The following PTRH2 variants were observed in gnomAD, a reference collection of about 807,000 sequenced individuals.
The protein encoded by PTRH2 is peptidyl-tRNA hydrolase 2.
Under a neutral mutation model 12.3 loss-of-function variants are expected in PTRH2, and 10 were observed. The ratio of observed to expected loss-of-function variants is 0.81; its 90% CI spans 0.50 to 1.38. PTRH2 has a LOEUF of 1.38. Ranked by LOEUF, PTRH2 falls within the 40% of genes most tolerant of loss-of-function variation. The pLI, the probability that PTRH2 is intolerant of heterozygous loss-of-function variation, is 0.00. For synonymous variants in PTRH2, 73 were observed against 77.4 expected (o/e 0.94, Z 0.30); for missense variants, 176 against 214.1 (o/e 0.82, Z 1.11).
At position 59,697,768 on chromosome 17, in the gene PTRH2, C is replaced by T; in HGVS notation, c.211G>A (p.Val71Ile). Residue 71 changes from valine to isoleucine, a missense_variant, in exon 2 of 2, where the codon GTT (valine) becomes ATT (isoleucine). By Grantham distance (29) the Val-to-Ile change is conservative. Coordinates refer to ENST00000393038, the MANE Select transcript of PTRH2 (RefSeq NM_016077.5). ...TTTCCCATCTTTAAGTCATTTCGAA[C>T]CACAAGAATCATCTTGTACTCCCCG... is the stretch of plus-strand genomic sequence containing the variant. Reference protein sequence around the residue: ...DSGEYKMILVVRNDLKMGKGK... With the variant: ...DSGEYKMILVIRNDLKMGKGK... 6.2e-7 allele frequency: 1 copy of T among 1,614,202 alleles called. No homozygotes were observed. Among genetic ancestry groups the T allele is most frequent in the Non-Finnish European group, 8.5e-7 (1 of 1,180,036 alleles).
intron 1 of PTRH2, among the ~76,000 whole-genome samples, chr17:59,706,744 G>A (rs1039974896): frequency 2.6e-5 from 4 of 151,178 alleles, no homozygotes; most frequent in Admixed American, 1.3e-4. Context: ...AGCGATATCG[G>A]CTCACTGCAA....
chr17:59,697,966 A>G lies in PTRH2; in HGVS notation c.13T>C (p.Ser5Pro). Residue 5 changes from serine (S) to proline (P), a missense_variant, in exon 2 of 2, where the codon TCC becomes CCC. Coordinates refer to ENST00000393038, the MANE Select transcript of PTRH2 (RefSeq NM_016077.5). MPSK[S>P]LVMEYLAHPS... ...TGAGCCAAATATTCCATAACCAAGG[A>G]TTTGGAGGGCATCTTAAAGGAAAGG... 3.1e-6 allele frequency: 5 copies of G among 1,611,936 alleles called. No individual in the cohort carries two copies. Among genetic ancestry groups the G allele is most frequent in the Non-Finnish European group, 4.2e-6 (5 of 1,179,292 alleles).
At chr17:59,705,043 C>T (rs1446546885) in intron 1 of PTRH2, among the ~76,000 whole-genome samples, 1 of 152,220 alleles carries the variant, frequency 6.6e-6, no homozygotes, top group African/African-American at 2.4e-5. Context: ...CTGCCTCAGC[C>T]TCCCAAAGTG....
At chr17:59,699,004 T>G (rs2033505713) in intron 1 of PTRH2, 2 of 658,356 alleles carry the variant, frequency 3.0e-6, no homozygotes, top group Non-Finnish European at 2.8e-6. Context: ...CGAGAATAGG[T>G]GGTAGAAGGC....
chr17:59,698,320 A>C, intron 1 of PTRH2: 1 of 296,542 alleles, frequency 3.4e-6, no homozygotes, highest in Non-Finnish European at 6.3e-6. Flanking sequence ...ACCAAAAATA[A>C]CCCTTTCCTG....
At chr17:59,706,632 T>C (rs917334427) in intron 1 of PTRH2, among the ~76,000 whole-genome samples, 1 of 151,782 alleles carries the variant, frequency 6.6e-6, no homozygotes, top group Non-Finnish European at 1.5e-5. Context: ...AATACCTCTC[T>C]AGTTAATCTC....
intron 1 of PTRH2, among the ~76,000 whole-genome samples, chr17:59,702,376 G>C (rs2033569361): frequency 6.6e-6 from 1 of 152,184 alleles, no homozygotes; most frequent in Non-Finnish European, 1.5e-5. Flanking sequence ...CCTCGCATGG[G>C]CAGTTCATAA....
intron 1 of PTRH2, chr17:59,698,980 C>A: frequency 1.5e-6 from 1 of 688,616 alleles, no homozygotes. Flanking sequence ...ATTTCTCTCT[C>A]TTCTGATGAA....
intron 1 of PTRH2, among the ~76,000 whole-genome samples, chr17:59,705,425 AT>A (rs1288381212): frequency 2.0e-5 from 3 of 150,706 alleles, no homozygotes; most frequent in East Asian, 2.0e-4. Flanking sequence ...CTTTTTCTTT[AT>A]TTTTTTTTAA....
chr17:59,698,102 T>C lies in PTRH2; in HGVS notation c.1-124A>G, dbSNP rs16943799. The stretch of plus-strand genomic sequence containing the variant: ...TCCAGAAAAAAGGCAAAACACACCT[T>C]TGATCTTATGCCTGCACCCTGTTTC... On this transcript the variant is annotated intron_variant, in intron 1 of 1. Coordinates refer to ENST00000393038, the MANE Select transcript of PTRH2 (RefSeq NM_016077.5). The C allele has an allele frequency of 3.4e-3, 3,290 of 961,338 alleles. 85 individuals are homozygous for C. In the African/African-American group the frequency reaches 0.05, roughly 15 times the overall value. 59.6% of individuals were successfully genotyped at this position (961,338 alleles called of 1,614,324 possible). A position where few individuals can be genotyped will look rare whatever the true frequency, so the allele number is the denominator to read the frequency against.
chr17:59,698,028 G>A, intron 1 of PTRH2, 50 bp from the exon 2 acceptor site: 1 of 1,554,892 alleles, frequency 6.4e-7, no homozygotes. Flanking sequence ...ACAACTTACA[G>A]AGGTATAGGC....
intron 1 of PTRH2, 55 bp from the exon 2 acceptor site, chr17:59,698,033 A>G: frequency 6.5e-7 from 1 of 1,529,700 alleles, no homozygotes; most frequent in Non-Finnish European, 8.9e-7. Context: ...TTACAGAGGT[A>G]TAGGCTTATC....
chr17:59,707,069 A>C (rs540832231), intron 1 of PTRH2: 1 of 152,288 alleles, frequency 6.6e-6, no homozygotes, highest in South Asian at 2.1e-4. Flanking sequence ...AGCTGAGGGT[A>C]TGAGGCCTGC....
chr17:59,703,184 TAAA>T (rs149532844), intron 1 of PTRH2, among the ~76,000 whole-genome samples: 1 of 150,996 alleles, frequency 6.6e-6, no homozygotes, highest in African/African-American at 2.4e-5. Flanking sequence ...ACTGCTAATT[TAAA>T]AAAAAACTTT....
rs1567984225 is a variant in PTRH2 at position 59,697,828 on chromosome 17, CTG to C, written c.149_150del (p.Thr50ArgfsTer3). ...AAGATGCTTGCTTCACTTTCAGTATCTGTGTGTGTCTTGCTCGTCTTGCTTTT... is the reference window on the plus strand; with the variant it reads ...AAGATGCTTGCTTCACTTTCAGTATCTGTGTGTCTTGCTCGTCTTGCTTTT... ...LPKSKTSKTHTDTESEASILG... is the reference protein window; with the variant it reads ...LPKSKTSKTHXDTESEASILG... On this transcript the variant is annotated frameshift_variant, in exon 2 of 2. Transcript: ENST00000393038. LOFTEE classifies it high-confidence loss of function. The C allele has an allele frequency of 1.2e-6, 2 of 1,614,202 alleles. No individual in the cohort carries two copies. The highest frequency in any genetic ancestry group is 1.7e-6 in the Non-Finnish European group (2 of 1,180,030).
At chr17:59,705,024 G>T (rs1380755046) in intron 1 of PTRH2, among the ~76,000 whole-genome samples, 1 of 152,194 alleles carries the variant, frequency 6.6e-6, no homozygotes, top group Non-Finnish European at 1.5e-5. Context: ...CTGACCTCAA[G>T]TGATCTGCCT....
At chr17:59,698,034 T>G in intron 1 of PTRH2, 56 bp from the exon 2 acceptor site, 1 of 1,520,600 alleles carries the variant, frequency 6.6e-7, no homozygotes, top group Non-Finnish European at 8.9e-7. Flanking sequence ...TACAGAGGTA[T>G]AGGCTTATCA....
Position 59,698,886 on chromosome 17 carries a change from C to T in PTRH2, c.1-908G>A, listed in dbSNP as rs993035171. 12 of 716,440 alleles carry T rather than the reference C, an allele frequency of 1.7e-5. No homozygotes were observed. In the African/African-American group the frequency reaches 2.1e-4, roughly 13 times the overall value. 44.4% of individuals were successfully genotyped at this position (716,440 alleles called of 1,614,324 possible). ...GGGTACTCACCATTAATTTACACAG[C>T]TGAAAGCACAGTGGTCCTGAAAAAT... On this transcript the variant is annotated intron_variant, in intron 1 of 1. Transcript: ENST00000393038.
chr17:59,701,254 T>C (rs1463599810), intron 1 of PTRH2: 1 of 152,228 alleles, frequency 6.6e-6, no homozygotes, highest in Non-Finnish European at 1.5e-5. Context: ...ATGCAACCTG[T>C]GTTATTACAT....
Sources: allele counts gnomAD v4.1 joint callset (sites outside exome capture counted in the v4.1 genomes callset), GRCh38; gene constraint gnomAD v4.1.1; transcripts MANE v1.5; gene names NCBI Gene and HGNC (gene_info 2026-07-23, HGNC 2026-07-21).